DLGAP1: variants seen among roughly 807,000 people sequenced by gnomAD.
The protein encoded by DLGAP1 is DLG associated protein 1, also known as disks large-associated protein 1.
In DLGAP1, 11 loss-of-function variants were observed where a neutral mutation model predicts 90.8. That is an observed-to-expected ratio of 0.12 (90% CI 0.08 to 0.20). The LOEUF (loss-of-function observed/expected upper bound fraction) is 0.20, where lower values mean the gene tolerates loss of function less well. Among genes scored for constraint, DLGAP1 ranks in the 10% least tolerant of loss-of-function variants. DLGAP1 has a pLI of 1.00. For synonymous variants in DLGAP1, 558 were observed against 540.7 expected, an observed-to-expected ratio of 1.03 and a Z score of -0.44; for missense variants, 1,050 against 1,333.8, an observed-to-expected ratio of 0.79 and a Z score of 3.31.
intron 1 of DLGAP1, among the ~76,000 whole-genome samples, chr18:4,371,918 A>C (rs1026198529): frequency 3.9e-5 from 6 of 152,248 alleles, no homozygotes; most frequent in African/African-American, 1.4e-4. Context: ...AACAGGTGTT[A>C]ATTCTTAACC....
intron 1 of DLGAP1, among the ~76,000 whole-genome samples, chr18:4,270,898 AC>A (rs1381163811): frequency 2.0e-5 from 3 of 152,200 alleles, no homozygotes. Context: ...TTCCTTAATC[AC>A]TATGTCCTTT....
intron 1 of DLGAP1, among the ~76,000 whole-genome samples, chr18:4,226,266 A>T (rs1235943064): frequency 6.6e-6 from 1 of 152,168 alleles, no homozygotes; most frequent in Non-Finnish European, 1.5e-5. Flanking sequence ...GAAATATTTC[A>T]TCAACACCAG....
At chr18:3,579,137 A>G (rs2055336281) in intron 8 of DLGAP1, among the ~76,000 whole-genome samples, 1 of 152,216 alleles carries the variant, frequency 6.6e-6, no homozygotes, top group Non-Finnish European at 1.5e-5. Flanking sequence ...CACTAAACAC[A>G]CACAGTATAG....
chr18:4,024,157 A>G (rs2074661381), intron 2 of DLGAP1, among the ~76,000 whole-genome samples: 2 of 152,344 alleles, frequency 1.3e-5, no homozygotes, highest in Middle Eastern at 6.8e-3. Context: ...GTAATCTCTG[A>G]GATAGTATAT....
At chr18:4,014,909 G>T (rs1016447868) in intron 2 of DLGAP1, among the ~76,000 whole-genome samples, 3 of 152,152 alleles carry the variant, frequency 2.0e-5, no homozygotes, top group Non-Finnish European at 4.4e-5. Context: ...GAGGCTCTAA[G>T]TTCTAAAGAG....
chr18:4,195,983 T>A (rs1054279982), intron 1 of DLGAP1, among the ~76,000 whole-genome samples: 3 of 152,240 alleles, frequency 2.0e-5, no homozygotes, highest in African/African-American at 7.2e-5. Flanking sequence ...TTTGTTATTG[T>A]AATCATCAGT....
chr18:3,656,920 G>C (rs1359879559), intron 7 of DLGAP1, among the ~76,000 whole-genome samples: 2 of 151,840 alleles, frequency 1.3e-5, no homozygotes, highest in African/African-American at 4.8e-5. Context: ...CTAATTTTTT[G>C]TATTTTTAGT....
intron 10 of DLGAP1, among the ~76,000 whole-genome samples, chr18:3,509,991 GT>G (rs1568100715): frequency 6.6e-6 from 1 of 152,180 alleles, no homozygotes; most frequent in African/African-American, 2.4e-5. Flanking sequence ...TCTCGAGGGG[GT>G]CTCCCTTGAC....
intron 4 of DLGAP1, among the ~76,000 whole-genome samples, chr18:3,823,718 G>C (rs2067548297): frequency 2.0e-5 from 3 of 152,060 alleles, no homozygotes; most frequent in Admixed American, 2.0e-4. Context: ...GGGAGGCCGA[G>C]GCGGGCAGAT....
intron 1 of DLGAP1, among the ~76,000 whole-genome samples, chr18:4,225,327 G>A (rs892583304): frequency 2.0e-5 from 3 of 151,908 alleles, no homozygotes; most frequent in Non-Finnish European, 4.4e-5. Context: ...CTCCCAAGAC[G>A]GACAGGTACA....
intron 1 of DLGAP1, among the ~76,000 whole-genome samples, chr18:4,229,344 A>T (rs1225097445): frequency 6.6e-6 from 1 of 152,102 alleles, no homozygotes; most frequent in East Asian, 1.9e-4. Flanking sequence ...TTTATATGGA[A>T]CCAAAAAAGA....
chr18:3,619,463 C>A (rs1567846253), intron 7 of DLGAP1, among the ~76,000 whole-genome samples: 1 of 152,156 alleles, frequency 6.6e-6, no homozygotes, highest in African/African-American at 2.4e-5. Context: ...AGGGAAGGGA[C>A]CAGGGTTCCA....
chr18:4,282,076 C>G (rs2079564327), intron 1 of DLGAP1, among the ~76,000 whole-genome samples: 1 of 152,072 alleles, frequency 6.6e-6, no homozygotes, highest in Non-Finnish European at 1.5e-5. Context: ...TTAAAAGAGT[C>G]AAAATGGGCT....
chr18:4,120,431 C>G (rs542706004), intron 2 of DLGAP1, among the ~76,000 whole-genome samples: 8 of 152,158 alleles, frequency 5.3e-5, no homozygotes, highest in Non-Finnish European at 1.2e-4. Flanking sequence ...GCACATCACT[C>G]GTGGCTTTTC....
intron 7 of DLGAP1, among the ~76,000 whole-genome samples, chr18:3,677,804 G>A (rs1009110896): frequency 6.6e-6 from 1 of 151,854 alleles, no homozygotes; most frequent in Admixed American, 6.6e-5. Context: ...AACTACAGGT[G>A]CTTGCCACCA....
At chr18:3,543,166 A>AT (rs76751283) in intron 9 of DLGAP1, among the ~76,000 whole-genome samples, 3,207 of 63,952 alleles carry the variant, frequency 0.05, 289 homozygotes, top group African/African-American at 0.12. Flanking sequence ...CATGACTCCA[A>AT]TTTTTTTTTT....
intron 7 of DLGAP1, among the ~76,000 whole-genome samples, chr18:3,661,926 T>C (rs189284013): frequency 6.6e-6 from 1 of 152,188 alleles, no homozygotes; most frequent in East Asian, 1.9e-4. Flanking sequence ...CTGGGAGGAC[T>C]GAAAATTGTC....
intron 3 of DLGAP1, among the ~76,000 whole-genome samples, chr18:3,891,767 T>G (rs1044377078): frequency 6.6e-6 from 1 of 152,156 alleles, no homozygotes; most frequent in African/African-American, 2.4e-5. Flanking sequence ...ATATATTTAG[T>G]AATTTTTAAA....
chr18:3,580,924 C>T (rs1462857123), intron 8 of DLGAP1, among the ~76,000 whole-genome samples: 6 of 152,166 alleles, frequency 3.9e-5, no homozygotes, highest in Non-Finnish European at 7.3e-5. Flanking sequence ...CCCCCAGCCC[C>T]AGGAAATGTG....
Sources: allele counts gnomAD v4.1 joint callset (sites outside exome capture counted in the v4.1 genomes callset), GRCh38; gene constraint gnomAD v4.1.1; transcripts MANE v1.5; gene names NCBI Gene and HGNC (gene_info 2026-07-23, HGNC 2026-07-21).